Variants in ZDHHC17 observed in about 807,000 individuals in gnomAD.
The protein encoded by ZDHHC17 is palmitoyltransferase ZDHHC17.
In ZDHHC17, 40 loss-of-function variants were observed where a neutral mutation model predicts 90.3. The observed-to-expected ratio is 0.44, with a 90% CI of 0.34 to 0.58. The LOEUF (loss-of-function observed/expected upper bound fraction) is 0.58, where lower values mean the gene tolerates loss of function less well. Ranked by LOEUF, ZDHHC17 falls within the 20% of genes least tolerant of loss-of-function variation. ZDHHC17 has a pLI of 0.01. For synonymous variants in ZDHHC17, 235 were observed against 252.4 expected (o/e 0.93, Z 0.65); for missense variants, 614 against 780.8 (o/e 0.79, Z 2.55).
chr12:76,845,812 AT>A lies in ZDHHC17; in HGVS notation c.1423+12del. ...GTGGGTAACTGTGTAGGTAAGTTGT[AT>A]TAGTAATTTCTTCTGTATCATTCAT... On this transcript the variant is annotated intron_variant, in intron 13 of 16. Coordinates refer to ENST00000426126, the MANE Select transcript of ZDHHC17 (RefSeq NM_015336.4). 1 of 1,480,956 alleles carries A rather than the reference AT, an allele frequency of 6.8e-7. No individual in the cohort carries two copies. The highest frequency in any genetic ancestry group is 1.4e-5 in the African/African-American group (1 of 72,048). 91.7% of individuals were successfully genotyped at this position (1,480,956 alleles called of 1,614,324 possible). A position where few individuals can be genotyped will look rare whatever the true frequency, so the allele number is the denominator to read the frequency against.
intron 1 of ZDHHC17, among the ~76,000 whole-genome samples, chr12:76,779,204 A>G (rs919173675): frequency 3.3e-5 from 5 of 152,182 alleles, no homozygotes; most frequent in Non-Finnish European, 5.9e-5. Context: ...CTGTTTATAT[A>G]TCTTAGGCAC....
At position 76,780,984 on chromosome 12, in the gene ZDHHC17, AT is replaced by A. The variant is rs922075280; in HGVS notation, c.94-16448del. On this transcript the variant is annotated intron_variant, in intron 1 of 16. Coordinates refer to ENST00000426126, the MANE Select transcript of ZDHHC17 (RefSeq NM_015336.4). ...CTACTAAAAATACAAAAAAAAAAAA[AT>A]TACCCGGGCGTGGTAGCAGGCGCCC... is the stretch of plus-strand genomic sequence containing the variant. Among the ~76,000 whole-genome samples the A allele has an allele frequency of 7.9e-5, 12 of 151,702 alleles. No homozygotes were observed. The South Asian group carries it at 1.0e-3, about 13-fold the overall frequency.
At chr12:76,796,280 T>A (rs1952818545) in intron 1 of ZDHHC17, among the ~76,000 whole-genome samples, 2 of 152,184 alleles carry the variant, frequency 1.3e-5, no homozygotes, top group African/African-American at 4.8e-5. Flanking sequence ...TTTACACATA[T>A]GTTTGTCAAA....
At chr12:76,791,875 C>T (rs1455171352) in intron 1 of ZDHHC17, among the ~76,000 whole-genome samples, 1 of 152,028 alleles carries the variant, frequency 6.6e-6, no homozygotes, top group Non-Finnish European at 1.5e-5. Context: ...TTACATTTTT[C>T]AGTTTATTAT....
chr12:76,814,238 A>G (rs1475899374), intron 5 of ZDHHC17, among the ~76,000 whole-genome samples: 2 of 151,970 alleles, frequency 1.3e-5, no homozygotes, highest in Non-Finnish European at 2.9e-5. Flanking sequence ...TCGGTTTAAT[A>G]GGTGGAAGTT....
intron 10 of ZDHHC17, among the ~76,000 whole-genome samples, chr12:76,838,137 T>A (rs1953391659): frequency 6.6e-6 from 1 of 152,170 alleles, no homozygotes; most frequent in African/African-American, 2.4e-5. Context: ...TGTTTTATGA[T>A]CTTATGTTTA....
At chr12:76,764,527 G>T in intron 1 of ZDHHC17, 198 bp downstream of exon 1, 1 of 594,126 alleles carries the variant, frequency 1.7e-6, no homozygotes, top group Non-Finnish European at 3.0e-6. Flanking sequence ...CCCGACCGGG[G>T]CGGGCTCTGG....
chr12:76,835,061 T>C (rs1301864569), intron 10 of ZDHHC17, among the ~76,000 whole-genome samples: 1 of 28,914 alleles, frequency 3.5e-5, no homozygotes, highest in East Asian at 1.7e-3. Context: ...CTTAGGCCTT[T>C]TTTTTTTTTT....
intron 1 of ZDHHC17, among the ~76,000 whole-genome samples, chr12:76,767,224 G>A (rs1390107247): frequency 6.6e-6 from 1 of 152,010 alleles, no homozygotes; most frequent in African/African-American, 2.4e-5. Context: ...AAACTTATGT[G>A]GGTTTTAATT....
At chr12:76,844,048 A>G (rs969225999) in intron 12 of ZDHHC17, 3 of 152,142 alleles carry the variant, frequency 2.0e-5, no homozygotes, top group Non-Finnish European at 2.9e-5. Flanking sequence ...TACAAAATTG[A>G]TATTCTTTTT....
intron 5 of ZDHHC17, among the ~76,000 whole-genome samples, chr12:76,810,798 A>G (rs1592480746): frequency 6.6e-6 from 1 of 152,116 alleles, no homozygotes; most frequent in East Asian, 1.9e-4. Context: ...ACGTCTCACA[A>G]TTTTGTGGGC....
intron 1 of ZDHHC17, among the ~76,000 whole-genome samples, chr12:76,778,345 A>G (rs1045959469): frequency 1.3e-5 from 2 of 152,138 alleles, no homozygotes; most frequent in Non-Finnish European, 2.9e-5. Flanking sequence ...TTAGCTTCCC[A>G]AGTAGCTGGG....
At chr12:76,821,566 T>A (rs1236533203) in intron 7 of ZDHHC17, among the ~76,000 whole-genome samples, 2 of 152,202 alleles carry the variant, frequency 1.3e-5, no homozygotes, top group Non-Finnish European at 2.9e-5. Context: ...CATCTTTACA[T>A]TCTTGAAACT....
At chr12:76,840,426 C>A (rs750027594) in intron 10 of ZDHHC17, 1 of 151,420 alleles carries the variant, frequency 6.6e-6, no homozygotes, top group Non-Finnish European at 1.5e-5. Context: ...CTGGAAACTC[C>A]GCCTCCCAGG....
Position 76,832,648 on chromosome 12 carries a change from T to C in ZDHHC17, c.1141+4158T>C, listed in dbSNP as rs571511962. 2.0e-5 allele frequency among the ~76,000 whole-genome samples: 3 copies of C among 152,334 alleles called. No individual in the cohort carries two copies. In the South Asian group the frequency reaches 6.2e-4, roughly 32 times the overall value. Reference sequence around the variant, plus strand: ...GGCCAACAGCACTATAGCTCATTCCTGAATGAAGCTTATCTAACACATGTA... The same window carrying C: ...GGCCAACAGCACTATAGCTCATTCCCGAATGAAGCTTATCTAACACATGTA... On this transcript the variant is annotated intron_variant, in intron 10 of 16. Transcript: ENST00000426126.
chr12:76,789,520 T>G (rs115357964), intron 1 of ZDHHC17, among the ~76,000 whole-genome samples: 46 of 152,306 alleles, frequency 3.0e-4, no homozygotes, highest in African/African-American at 1.1e-3. Flanking sequence ...TATGCAGTGG[T>G]ATATATTGGT....
chr12:76,812,386 C>T (rs1167261843), intron 5 of ZDHHC17, among the ~76,000 whole-genome samples: 1 of 152,092 alleles, frequency 6.6e-6, no homozygotes, highest in East Asian at 1.9e-4. Context: ...GCTGTTTCTT[C>T]TGCTGGTATA....
At chr12:76,786,032 AAAG>A (rs1592464606) in intron 1 of ZDHHC17, among the ~76,000 whole-genome samples, 1 of 152,204 alleles carries the variant, frequency 6.6e-6, no homozygotes, top group African/African-American at 2.4e-5. Flanking sequence ...TATTTTGAGA[AAAG>A]AAGCATTGCG....
intron 11 of ZDHHC17, among the ~76,000 whole-genome samples, chr12:76,842,365 TG>T (rs1383545507): frequency 6.6e-6 from 1 of 152,192 alleles, no homozygotes; most frequent in African/African-American, 2.4e-5. Context: ...GTGAATACGG[TG>T]TCTTAAACAT....
Sources: allele counts gnomAD v4.1 joint callset (sites outside exome capture counted in the v4.1 genomes callset), GRCh38; gene constraint gnomAD v4.1.1; transcripts MANE v1.5; gene names NCBI Gene and HGNC (gene_info 2026-07-23, HGNC 2026-07-21).